Variants in EFCAB13 observed in about 807,000 individuals in gnomAD.
EFCAB13 encodes EF-hand calcium binding domain 13.
A neutral mutation model predicts 110.2 loss-of-function variants in EFCAB13; 91 were observed. The observed-to-expected ratio is 0.83, with a 90% CI of 0.70 to 0.98. The LOEUF is 0.98. Among genes scored for constraint, EFCAB13 ranks in the 50% least tolerant of loss-of-function variants. EFCAB13 has a pLI of 0.00. For synonymous variants in EFCAB13, 323 were observed against 369.9 expected (o/e 0.87, Z 1.45); for missense variants, 968 against 1,119.4 (o/e 0.86, Z 1.93).
At chr17:47,348,456 G>C (rs911976954) in intron 9 of EFCAB13, among the ~76,000 whole-genome samples, 1 of 151,962 alleles carries the variant, frequency 6.6e-6, no homozygotes, top group African/African-American at 2.4e-5. Context: ...TTGTAAAATA[G>C]TTCAAAAATT....
chr17:47,425,182 C>T (rs975361507), intron 23 of EFCAB13, among the ~76,000 whole-genome samples: 2 of 152,194 alleles, frequency 1.3e-5, no homozygotes, highest in East Asian at 1.9e-4. Context: ...GCGCCCGGCC[C>T]TCCGGTTGAC....
intron 23 of EFCAB13, chr17:47,423,564 A>T (rs1346219738): frequency 3.2e-6 from 1 of 314,440 alleles, no homozygotes; most frequent in Non-Finnish European, 5.8e-6. Context: ...CCGGCTGCCG[A>T]GGGAACGCCT....
At chr17:47,369,311 T>C (rs1252015319) in intron 10 of EFCAB13, among the ~76,000 whole-genome samples, 2 of 152,220 alleles carry the variant, frequency 1.3e-5, no homozygotes, top group Admixed American at 6.5e-5. Flanking sequence ...TCCCAACTCA[T>C]TGAAGGTCTT....
chr17:47,427,369 C>G (rs1046119928), intron 23 of EFCAB13, among the ~76,000 whole-genome samples: 1 of 151,934 alleles, frequency 6.6e-6, no homozygotes, highest in African/African-American at 2.4e-5. Flanking sequence ...TCTTATTATC[C>G]TTTTCTTCTT....
At chr17:47,394,182 C>T (rs1213138167) in intron 16 of EFCAB13, 83 bp downstream of exon 16, 7 of 820,026 alleles carry the variant, frequency 8.5e-6, no homozygotes, top group African/African-American at 1.8e-5. Context: ...CTCTTTTAGT[C>T]TCTTATAGAG....
intron 9 of EFCAB13, among the ~76,000 whole-genome samples, chr17:47,357,179 G>A (rs945490386): frequency 2.0e-5 from 3 of 152,112 alleles, no homozygotes; most frequent in African/African-American, 7.2e-5. Context: ...AAAGCAAGCC[G>A]ACTCACAGTT....
chr17:47,324,383 C>G (rs965939757), intron 1 of EFCAB13, 71 bp from the exon 2 acceptor site: 1 of 152,154 alleles, frequency 6.6e-6, no homozygotes, highest in African/African-American at 2.4e-5. Flanking sequence ...GCGGAGACCT[C>G]TATTAGCACA....
rs572699475 is a variant in EFCAB13 at position 47,440,574 on chromosome 17, A to G, written c.2782A>G (p.Ile928Val). 1.9e-4 allele frequency: 303 copies of G among 1,613,384 alleles called. 2 individuals carry two copies. In the South Asian group the frequency reaches 2.7e-3, roughly 15 times the overall value. Residue 928 changes from isoleucine (I) to valine (V), a missense_variant, in exon 25 of 25, where the codon ATA becomes GTA. Transcript: ENST00000331493. ...RQAVVYMLKT[I>V]QDSIVKAQVS... is the part of the protein sequence containing the mutation. The stretch of plus-strand genomic sequence containing the variant: ...AGCAGTGGTTTACATGTTAAAAACA[A>G]TACAGGATTCGATAGTTAAAGCACA...
chr17:47,387,926 C>G (rs1270813649), intron 14 of EFCAB13, among the ~76,000 whole-genome samples: 1 of 152,186 alleles, frequency 6.6e-6, no homozygotes, highest in Non-Finnish European at 1.5e-5. Flanking sequence ...CACAACTGTT[C>G]AGAGTCCTGC....
chr17:47,413,103 C>T (rs2065844613), intron 22 of EFCAB13, among the ~76,000 whole-genome samples, 187 bp downstream of exon 22: 1 of 152,182 alleles, frequency 6.6e-6, no homozygotes, highest in African/African-American at 2.4e-5. Flanking sequence ...TATTCATACT[C>T]ATATGGATAC....
At chr17:47,361,294 C>A in intron 9 of EFCAB13, 84 bp from the exon 10 acceptor site, 1 of 1,270,196 alleles carries the variant, frequency 7.9e-7, no homozygotes, top group East Asian at 2.4e-5. Flanking sequence ...AGTTATTTTC[C>A]CTTAGTAGGC....
chr17:47,382,615 CAT>C (rs1416215398), intron 14 of EFCAB13, among the ~76,000 whole-genome samples: 4 of 151,904 alleles, frequency 2.6e-5, no homozygotes, highest in African/African-American at 9.7e-5. Flanking sequence ...TTGAGATAAT[CAT>C]GTGGTTTTTG....
intron 10 of EFCAB13, 98 bp downstream of exon 10, chr17:47,361,619 T>C: frequency 9.9e-7 from 1 of 1,005,464 alleles, no homozygotes; most frequent in Non-Finnish European, 1.4e-6. Flanking sequence ...CCTTTGCTTC[T>C]CCTTTTTTCT....
intron 23 of EFCAB13, 96 bp from the exon 24 acceptor site, chr17:47,429,719 ATCT>A: frequency 7.3e-7 from 1 of 1,364,288 alleles, no homozygotes; most frequent in Non-Finnish European, 9.8e-7. Context: ...CTAGAATCAG[ATCT>A]TCATATTTTA....
chr17:47,417,717 G>T (rs1248285223), intron 23 of EFCAB13, among the ~76,000 whole-genome samples: 3 of 151,944 alleles, frequency 2.0e-5, no homozygotes, highest in African/African-American at 7.3e-5. Flanking sequence ...TCTCTTTCAT[G>T]ATCTCCTTGT....
intron 14 of EFCAB13, among the ~76,000 whole-genome samples, chr17:47,379,491 GTAA>G (rs941931614): frequency 1.1e-4 from 17 of 151,850 alleles, no homozygotes; most frequent in Admixed American, 1.0e-3. Context: ...TAAATGTATG[GTAA>G]TAATGATAAT....
At chr17:47,330,791 C>G (rs2065315730) in intron 4 of EFCAB13, among the ~76,000 whole-genome samples, 1 of 151,298 alleles carries the variant, frequency 6.6e-6, no homozygotes, top group Admixed American at 6.6e-5. Flanking sequence ...GATACAACAA[C>G]TTTTTTTTCC....
intron 9 of EFCAB13, among the ~76,000 whole-genome samples, chr17:47,355,570 A>ATTTTT (rs71365066): frequency 8.3e-6 from 1 of 120,344 alleles, no homozygotes; most frequent in African/African-American, 3.2e-5. Flanking sequence ...GGCTTTGTTC[A>ATTTTT]TTTTTTTTTT....
chr17:47,424,872 A>ATT (rs1459453287), intron 23 of EFCAB13, among the ~76,000 whole-genome samples: 1 of 68,346 alleles, frequency 1.5e-5, no homozygotes, highest in African/African-American at 7.1e-5. Flanking sequence ...CCGGTTGACA[A>ATT]TCTTTTTTTT....
Sources: gnomAD v4.1 joint callset for allele counts (sites outside exome capture counted in the v4.1 genomes callset) on GRCh38, gnomAD v4.1.1 for gene constraint, MANE v1.5 for transcripts, NCBI Gene and HGNC (gene_info 2026-07-23, HGNC 2026-07-21) for gene names.